Variants in SLCO3A1 observed in about 807,000 individuals in gnomAD.
The protein encoded by SLCO3A1 is solute carrier organic anion transporter family member 3A1, also known as PGE1 transporter.
SLCO3A1 carries 27 observed loss-of-function variants against 63.1 expected under a neutral mutation model. That is an observed-to-expected ratio of 0.43 (90% CI 0.32 to 0.59). The LOEUF is 0.59. Among genes scored for constraint, SLCO3A1 ranks in the 20% least tolerant of loss-of-function variants. The pLI is 0.09. For missense variants in SLCO3A1, 773 were observed against 945.8 expected (o/e 0.82, Z 2.40); for synonymous variants, 473 against 409.9 (o/e 1.15, Z -1.86).
intron 2 of SLCO3A1, among the ~76,000 whole-genome samples, chr15:92,079,833 G>T (rs1596081367): frequency 6.6e-6 from 1 of 152,266 alleles, no homozygotes; most frequent in South Asian, 2.1e-4. Flanking sequence ...AGGTCCTGCG[G>T]TCTCTGCACT....
intron 2 of SLCO3A1, among the ~76,000 whole-genome samples, chr15:92,072,849 T>G (rs1196857282): frequency 6.6e-6 from 1 of 152,196 alleles, no homozygotes; most frequent in Non-Finnish European, 1.5e-5. Context: ...CTTAACTTAA[T>G]TACATCTGCA....
intron 2 of SLCO3A1, among the ~76,000 whole-genome samples, chr15:91,978,764 A>C (rs1901217665): frequency 1.3e-5 from 2 of 152,262 alleles, no homozygotes; most frequent in South Asian, 4.1e-4. Flanking sequence ...TATGAATACT[A>C]CTGTTAGGAA....
chr15:92,061,902 C>T, intron 2 of SLCO3A1, among the ~76,000 whole-genome samples: 1 of 152,228 alleles, frequency 6.6e-6, no homozygotes, highest in East Asian at 1.9e-4. Flanking sequence ...TGTCAAGGCT[C>T]TGGGTGATAC....
intron 2 of SLCO3A1, among the ~76,000 whole-genome samples, chr15:92,003,976 T>G (rs1162389538): frequency 6.6e-6 from 1 of 152,220 alleles, no homozygotes; most frequent in African/African-American, 2.4e-5. Context: ...TATCATGGAT[T>G]CTGATAATCG....
intron 2 of SLCO3A1, among the ~76,000 whole-genome samples, chr15:92,030,808 C>A (rs892423933): frequency 1.3e-5 from 2 of 152,130 alleles, no homozygotes; most frequent in African/African-American, 4.8e-5. Context: ...TCTAAGTACA[C>A]CGGTGAGTAC....
chr15:91,941,001 G>T lies in SLCO3A1; in HGVS notation c.646+24543G>T, dbSNP rs1899601390. 6.6e-6 allele frequency among the ~76,000 whole-genome samples: 1 copy of T among 152,158 alleles called. No individual in the cohort carries two copies. Among genetic ancestry groups the T allele is most frequent in the Non-Finnish European group, 1.5e-5 (1 of 68,038 alleles). ...CTTTGCCACCCTGCCGTTTTAGGAG[G>T]GTGATTTATTGAAGTGAAGGTAGAG... On this transcript the variant is annotated intron_variant, in intron 2 of 9. Transcript: ENST00000318445. This position sits in a 1 kb window ranked among gnomAD's most constrained non-coding sequence, Gnocchi z 4.4.
At chr15:92,099,426 T>C (rs1411843690) in intron 3 of SLCO3A1, among the ~76,000 whole-genome samples, 1 of 146,718 alleles carries the variant, frequency 6.8e-6, no homozygotes, top group East Asian at 2.0e-4. Context: ...CAACATAGGT[T>C]AAACAAATGG....
At chr15:92,062,389 C>T (rs531463094) in intron 2 of SLCO3A1, among the ~76,000 whole-genome samples, 70 of 152,232 alleles carry the variant, frequency 4.6e-4, no homozygotes, top group African/African-American at 1.6e-3. Context: ...TGAATCATGC[C>T]AGGCAGGGAA....
chr15:92,171,065 C>T (rs1010164187), intron 10 of SLCO3A1: 4 of 152,196 alleles, frequency 2.6e-5, no homozygotes, highest in African/African-American at 9.7e-5. Context: ...ACCTTTGTAG[C>T]GCTGGGTCAA....
rs1741387433 is a variant in SLCO3A1 at position 91,854,169 on chromosome 15, G to C, written c.180+81G>C. Reference sequence around the variant, plus strand: ...GGCCGCCTGGCCCGACGAGGGGGCCGCCCGGCGCTGGGGGCAGGCGGGCAT... The same window carrying C: ...GGCCGCCTGGCCCGACGAGGGGGCCCCCCGGCGCTGGGGGCAGGCGGGCAT... On this transcript the variant is annotated intron_variant, in intron 1 of 9. Coordinates refer to ENST00000318445, the MANE Select transcript of SLCO3A1 (RefSeq NM_013272.4). This position sits in a 1 kb window ranked among gnomAD's most constrained non-coding sequence, Gnocchi z 6.4. The C allele has an allele frequency of 8.1e-7, 1 of 1,240,076 alleles. No individual in the cohort carries two copies. The allele number at this position is 1,240,076 out of a possible 1,614,324, so 76.8% of individuals were successfully genotyped here.
intron 7 of SLCO3A1, among the ~76,000 whole-genome samples, chr15:92,131,131 A>G (rs2047990202): frequency 1.3e-5 from 2 of 152,212 alleles, no homozygotes; most frequent in East Asian, 1.9e-4. Flanking sequence ...CACTTGCCCA[A>G]GGCCATGCAA....
chr15:92,162,048 G>A (rs902242118), intron 9 of SLCO3A1: 1 of 151,696 alleles, frequency 6.6e-6, no homozygotes, highest in African/African-American at 2.4e-5. Context: ...GGCCTTCTCA[G>A]GCTCTCAGCA....
chr15:91,894,774 C>G lies in SLCO3A1; in HGVS notation c.181-21219C>G, dbSNP rs1219785093. On this transcript the variant is annotated intron_variant, in intron 1 of 9. Coordinates refer to ENST00000318445, the MANE Select transcript of SLCO3A1 (RefSeq NM_013272.4). The surrounding 1 kb of genome is among the most constrained non-coding windows in gnomAD (Gnocchi z 4.8). ...GTCAGCTACTCCTGCTGGAGCCCCA[C>G]TTGACTGAGCAAGGGCTTACTCACC... Among the ~76,000 whole-genome samples the G allele has an allele frequency of 6.6e-6, 1 of 152,194 alleles. No homozygotes were observed. Among genetic ancestry groups the G allele is most frequent in the Non-Finnish European group, 1.5e-5 (1 of 68,036 alleles).
In SLCO3A1 at chr15:92,163,189, T is replaced by TA. The variant is rs1038247506; in HGVS notation, c.*61dup. The TA allele has an allele frequency of 1.8e-5, 26 of 1,413,872 alleles. No individual in the cohort carries two copies. The highest frequency in any genetic ancestry group is 2.4e-5 in the Non-Finnish European group (26 of 1,087,828). The allele number at this position is 1,413,872 out of a possible 1,614,324, so 87.6% of individuals were successfully genotyped here. A position where few individuals can be genotyped will look rare whatever the true frequency, so the allele number is the denominator to read the frequency against. On this transcript the variant is annotated 3_prime_UTR_variant, in exon 10 of 10. Transcript: ENST00000318445. ...AGTAATCCAAGGGTCATTTTTTTCT[T>TA]AAAAAAAGAAAAAAAGGTTCCAAAA...
chr15:92,076,848 A>T (rs780575965), intron 2 of SLCO3A1, among the ~76,000 whole-genome samples: 81 of 152,214 alleles, frequency 5.3e-4, no homozygotes, highest in Non-Finnish European at 9.8e-4. Context: ...TTTTGGGAAG[A>T]TGAACCGAGT....
intron 5 of SLCO3A1, among the ~76,000 whole-genome samples, chr15:92,124,111 C>G (rs2047893895): frequency 6.6e-6 from 1 of 152,148 alleles, no homozygotes; most frequent in African/African-American, 2.4e-5. Context: ...GCAGTCATCC[C>G]AGAGCATCAG....
intron 1 of SLCO3A1, among the ~76,000 whole-genome samples, chr15:91,880,107 GTCCGTCCGTCCGTCCGTCCGTCCGTCCA>G (rs1224002636): frequency 7.7e-4 from 71 of 92,012 alleles, no homozygotes; most frequent in African/African-American, 1.4e-3. Context: ...GTGTCCGTCC[GTCCGTCCGTCCGTCCGTCCGTCCGTCCA>G]TCCATCCATC....
intron 2 of SLCO3A1, among the ~76,000 whole-genome samples, chr15:91,987,773 T>C (rs1327631565): frequency 4.6e-5 from 7 of 151,018 alleles, no homozygotes; most frequent in Non-Finnish European, 1.5e-5. Context: ...TAATAATTAA[T>C]TGTGGTCGCA....
intron 2 of SLCO3A1, among the ~76,000 whole-genome samples, chr15:91,938,174 C>T (rs1899481862): frequency 6.6e-6 from 1 of 152,254 alleles, no homozygotes; most frequent in Admixed American, 6.5e-5. Flanking sequence ...TTGGAGCTTT[C>T]TGAGCCTCAG....
Sources: allele counts gnomAD v4.1 joint callset (sites outside exome capture counted in the v4.1 genomes callset), GRCh38; gene constraint gnomAD v4.1.1; non-coding constraint Gnocchi (gnomAD v3.1); transcripts MANE v1.5; gene names NCBI Gene and HGNC (gene_info 2026-07-23, HGNC 2026-07-21).